GP2: variants seen among roughly 807,000 people sequenced by gnomAD.
The protein encoded by GP2 is glycoprotein 2, also known as pancreatic secretory granule membrane major glycoprotein GP2.
Under a neutral mutation model 60.8 loss-of-function variants are expected in GP2, and 58 were observed. The observed-to-expected ratio is 0.95, with a 90% confidence interval of 0.77 to 1.19. GP2 has a LOEUF of 1.19. Ranked by LOEUF, GP2 falls within the 50% of genes most tolerant of loss-of-function variation. GP2 has a pLI of 0.00. For synonymous variants in GP2, 280 were observed against 253.4 expected (o/e 1.10, Z -1.00); for missense variants, 647 against 667.4 (o/e 0.97, Z 0.34).
rs1964451814 is a variant in GP2, at chr16:20,323,949, G to A, written c.402C>T (p.Asn134=). The A allele has an allele frequency of 1.6e-5, 26 of 1,613,830 alleles. No individual in the cohort carries two copies. Among genetic ancestry groups the A allele is most frequent in the Non-Finnish European group, 2.1e-5 (25 of 1,179,690 alleles). ...THPALGDGIT[N]HTACAHWSGN... ...CACTCCAATGGGCACAGGCAGTGTG[G>A]TTGGTGATGCCATCCCCAAGGGCAG... Residue 134 remains asparagine (N), a synonymous_variant, in exon 3 of 11, where the codon AAC becomes AAT. Coordinates refer to ENST00000302555, the MANE Select transcript of GP2 (RefSeq NM_001502.4).
chr16:20,324,284 T>G (rs202066406), intron 2 of GP2, 28 bp from the exon 3 acceptor site: 1 of 1,477,326 alleles, frequency 6.8e-7, no homozygotes, highest in Non-Finnish European at 9.3e-7. Context: ...TGCAGTTGGG[T>G]TTACTGAGCA....
At chr16:20,317,661 A>T (rs193283622) in intron 7 of GP2, among the ~76,000 whole-genome samples, 1 of 152,190 alleles carries the variant, frequency 6.6e-6, no homozygotes, top group African/African-American at 2.4e-5. Flanking sequence ...TAAAGTGGAG[A>T]CAGTAATATA....
At chr16:20,311,575 T>C (rs1963997036) in intron 10 of GP2, among the ~76,000 whole-genome samples, 1 of 152,210 alleles carries the variant, frequency 6.6e-6, no homozygotes, top group Admixed American at 6.5e-5. Context: ...ATCTGTGCCA[T>C]TTCTAGGTCT....
rs1342754764 is a variant in GP2 at position 20,318,242 on chromosome 16, T to C, written c.1196A>G (p.Tyr399Cys). ...SRFNLVLRNC[Y>C]ATPTEDKADL... ...AGCCTTGTCTTCAGTGGGGGTGGCA[T>C]AGCAGTTCCTCAACACCAGGTTAAA... The change falls in exon 7 of 11, where the codon TAT becomes TGT. Residue 399 changes from tyrosine (Y) to cysteine (C), a missense_variant. Transcript: ENST00000302555. The C allele has an allele frequency of 1.9e-6, 3 of 1,612,272 alleles. No homozygotes were observed. The highest frequency in any genetic ancestry group is 2.5e-6 in the Non-Finnish European group (3 of 1,178,404).
rs374637354 is a variant in GP2, at chr16:20,311,312, T to C, written c.1547-31A>G. The C allele has an allele frequency of 1.2e-5, 16 of 1,386,310 alleles. No homozygotes were observed. The African/African-American group carries it at 2.1e-4, about 18-fold the overall frequency. 85.9% of individuals were successfully genotyped at this position (1,386,310 alleles called of 1,614,324 possible). On this transcript the variant is annotated intron_variant, in intron 10 of 10. Transcript: ENST00000302555. ...ATACAAGAAATATGACTGTCAAGTG[T>C]TGGGCTTTGGGAGTCAGGAGCAAAC...
intron 2 of GP2, among the ~76,000 whole-genome samples, chr16:20,325,241 A>T (rs186925062): frequency 6.6e-4 from 100 of 152,334 alleles, no homozygotes; most frequent in Non-Finnish European, 1.2e-3. Flanking sequence ...CCTGTGAACC[A>T]GTGGTTCTCA....
Position 20,323,980 on chromosome 16 carries a change from G to C in GP2, c.371C>G (p.Thr124Ser). The change falls in exon 3 of 11, where the codon ACC becomes AGC. Residue 124 changes from threonine (T) to serine (S), a missense_variant. Transcript: ENST00000302555. ...QTDAPMWLNGTHPALGDGITN... is the reference protein window; with the variant it reads ...QTDAPMWLNGSHPALGDGITN... ...GATGCCATCCCCAAGGGCAGGGTGG[G>C]TCCCATTCAGCCACATGGGAGCGTC... The C allele has an allele frequency of 6.2e-7, 1 of 1,614,132 alleles. No homozygotes were observed. Among genetic ancestry groups the C allele is most frequent in the Non-Finnish European group, 8.5e-7 (1 of 1,179,972 alleles).
At chr16:20,316,438 C>T (rs1202577176) in intron 8 of GP2, among the ~76,000 whole-genome samples, 2 of 152,202 alleles carry the variant, frequency 1.3e-5, no homozygotes, top group Non-Finnish European at 2.9e-5. Flanking sequence ...CTGGAGCCAC[C>T]TCTCGGCTGG....
chr16:20,318,059 T>C (rs1385183894), intron 7 of GP2, 126 bp downstream of exon 7: 5 of 768,496 alleles, frequency 6.5e-6, no homozygotes, highest in Non-Finnish European at 1.1e-5. Context: ...AGGAGTGATA[T>C]TTCTGGGTCA....
intron 10 of GP2, among the ~76,000 whole-genome samples, chr16:20,313,363 T>C (rs1011844845): frequency 6.6e-6 from 1 of 152,174 alleles, no homozygotes; most frequent in African/African-American, 2.4e-5. Context: ...ATTCAGATGT[T>C]ACTACCTGGT....
At chr16:20,315,695 C>T (rs1309958448) in intron 9 of GP2, among the ~76,000 whole-genome samples, 2 of 152,168 alleles carry the variant, frequency 1.3e-5, no homozygotes, top group Non-Finnish European at 2.9e-5. Flanking sequence ...CTTAGTTTCT[C>T]ACCTGTAAAA....
chr16:20,319,859 G>C, intron 5 of GP2, 91 bp from the exon 6 acceptor site: 1 of 1,022,974 alleles, frequency 9.8e-7, no homozygotes, highest in Non-Finnish European at 1.5e-6. Flanking sequence ...GAGTCAATTT[G>C]CTTAACCATG....
chr16:20,317,970 A>G (rs1425470748), intron 7 of GP2, among the ~76,000 whole-genome samples: 1 of 152,190 alleles, frequency 6.6e-6, no homozygotes, highest in East Asian at 1.9e-4. Context: ...CAAAGTTATC[A>G]ACGATATTGA....
Position 20,322,903 on chromosome 16 carries a change from C to T in GP2, c.612G>A (p.Trp204Ter), listed in dbSNP as rs747590251. 4.3e-6 allele frequency: 7 copies of T among 1,611,674 alleles called. No homozygotes were observed. Among genetic ancestry groups the T allele is most frequent in the Admixed American group, 3.3e-5 (2 of 60,000 alleles). Residue 204 changes from tryptophan (W) to a stop codon, truncating the protein, a stop_gained, in exon 4 of 11, where the codon TGG becomes TGA. Coordinates refer to ENST00000302555, the MANE Select transcript of GP2 (RefSeq NM_001502.4). LOFTEE classifies it high-confidence loss of function. The stretch of plus-strand genomic sequence containing the variant: ...TGAGGTCCTGTCTGCAGAAACAGCC[C>T]CAGGTGCTGTTGAGGGCAAGGCACT... Reference protein sequence around the residue: ...EEECLALNSTWGCFCRQDLNS... With the variant: ...EEECLALNST
At chr16:20,314,267 A>C (rs13336558) in intron 10 of GP2, among the ~76,000 whole-genome samples, 2,903 of 149,246 alleles carry the variant, frequency 0.019, 94 homozygotes, top group African/African-American at 0.067. Flanking sequence ...AAAGTTCTTG[A>C]GTTTGAAAAA....
rs1171732097 is a variant in GP2 at position 20,322,995 on chromosome 16, T to C, written c.536-16A>G. 4.1e-6 allele frequency: 6 copies of C among 1,449,528 alleles called. No individual in the cohort carries two copies. Among genetic ancestry groups the C allele is most frequent in the Middle Eastern group, 3.5e-4 (2 of 5,696 alleles). 89.8% of individuals were successfully genotyped at this position (1,449,528 alleles called of 1,614,324 possible). A position where few individuals can be genotyped will look rare whatever the true frequency, so the allele number is the denominator to read the frequency against. On this transcript the variant is annotated splice_polypyrimidine_tract_variant and intron_variant, in intron 3 of 10. Coordinates refer to ENST00000302555, the MANE Select transcript of GP2 (RefSeq NM_001502.4). The stretch of plus-strand genomic sequence containing the variant: ...GTGGATGGGTCTAGGTGATGGGGCA[T>C]GGAGAGAGAAGATCAGGATGCAGTG...
Position 20,318,293 on chromosome 16 carries a change from A to T in GP2, c.1145T>A (p.Ile382Asn). Reference protein sequence around the residue: ...SVESVLYVGAILEQGDTSRFN... With the variant: ...SVESVLYVGANLEQGDTSRFN... ...CCGGGAGGTGTCCCCTTGTTCCAAG[A>T]TGGCACCCACATACAGCACGGACTC... The change falls in exon 7 of 11, where the codon ATC becomes AAC. Residue 382 changes from isoleucine (I) to asparagine (N), a missense_variant. By Grantham distance (149) the Ile-to-Asn change is moderately radical (BLOSUM62 -3). Coordinates refer to ENST00000302555, the MANE Select transcript of GP2 (RefSeq NM_001502.4). 1.9e-6 allele frequency: 3 copies of T among 1,613,570 alleles called. No homozygotes were observed. Among genetic ancestry groups the T allele is most frequent in the Non-Finnish European group, 2.5e-6 (3 of 1,179,434 alleles).
rs751669938 is a variant in GP2 at position 20,324,254 on chromosome 16, A to T, written c.97T>A (p.Tyr33Asn). Residue 33 changes from tyrosine to asparagine, a missense_variant and splice_region_variant, in exon 3 of 11, where the codon TAT becomes AAT. Transcript: ENST00000302555. Reference sequence around the variant, plus strand: ...GAACTGGCTTCAATGGGGTTTCCATAACCTGGGAAAGTGACAGAGTGCAGT... The same window carrying T: ...GAACTGGCTTCAATGGGGTTTCCATTACCTGGGAAAGTGACAGAGTGCAGT... ...LTQASAVQRG[Y>N]GNPIEASSYG... The T allele has an allele frequency of 6.3e-7, 1 of 1,589,816 alleles. No individual in the cohort carries two copies. The highest frequency in any genetic ancestry group is 8.6e-7 in the Non-Finnish European group (1 of 1,163,936).
chr16:20,322,900 G>A lies in GP2; in HGVS notation c.615C>T (p.Gly205=), dbSNP rs145158978. 249 of 1,610,450 alleles carry A rather than the reference G, an allele frequency of 1.5e-4. No individual in the cohort carries two copies. Among genetic ancestry groups the A allele is most frequent in the Admixed American group, 3.2e-4 (19 of 60,020 alleles). Residue 205 remains glycine, a synonymous_variant, in exon 4 of 11, where the codon GGC becomes GGT. Transcript: ENST00000302555. ...TATTGAGGTCCTGTCTGCAGAAACA[G>A]CCCCAGGTGCTGTTGAGGGCAAGGC... ...EECLALNSTW[G]CFCRQDLNSS...
Sources: gnomAD v4.1 joint callset for allele counts (sites outside exome capture counted in the v4.1 genomes callset) on GRCh38, gnomAD v4.1.1 for gene constraint, MANE v1.5 for transcripts, NCBI Gene and HGNC (gene_info 2026-07-23, HGNC 2026-07-21) for gene names.